ARID1B: variants seen among roughly 807,000 people sequenced by gnomAD.
ARID1B encodes the protein AT-rich interactive domain-containing protein 1B.
In ARID1B, 30 loss-of-function variants were observed where a neutral mutation model predicts 212.3. The ratio of observed to expected loss-of-function variants is 0.14; its 90% CI spans 0.11 to 0.19. The LOEUF (loss-of-function observed/expected upper bound fraction) is 0.19. Ranked by LOEUF, ARID1B falls within the 10% of genes least tolerant of loss-of-function variation. The probability of loss-of-function intolerance (pLI) is 1.00; values close to 1 mark genes in which losing one functional copy is unlikely to be tolerated. For missense variants in ARID1B, 2,891 were observed against 3,204.0 expected, an observed-to-expected ratio of 0.90 and a Z score of 2.36; for synonymous variants, 1,402 against 1,301.7, an observed-to-expected ratio of 1.08 and a Z score of -1.66.
chr6:157,085,007 C>T (rs1168813610), intron 5 of ARID1B, 102 bp downstream of exon 5: 1 of 1,408,444 alleles, frequency 7.1e-7, no homozygotes, highest in South Asian at 1.4e-5. Context: ...AACCTAGTGG[C>T]CACATATTAA....
Position 157,117,452 on chromosome 6 carries a change from C to T in ARID1B, c.2581+6891C>T, listed in dbSNP as rs184914001. Among the ~76,000 whole-genome samples the T allele has an allele frequency of 1.5e-4, 23 of 152,296 alleles. No individual in the cohort carries two copies. The East Asian group carries it at 2.5e-3, about 17-fold the overall frequency. ...CAGATTTCGAGTCACATTCTATTTGCATAGTGCACACCTTTTGGCTGCGGG... is the reference window on the plus strand; with the variant it reads ...CAGATTTCGAGTCACATTCTATTTGTATAGTGCACACCTTTTGGCTGCGGG... On this transcript the variant is annotated intron_variant, in intron 6 of 19. Coordinates refer to ENST00000636930, the MANE Select transcript of ARID1B (RefSeq NM_001374828.1).
rs1793903930 is a variant in ARID1B at position 156,955,566 on chromosome 6, A to G, written c.2247+19990A>G. Among the ~76,000 whole-genome samples, 3 of 152,358 alleles carry G rather than the reference A, an allele frequency of 2.0e-5. No individual in the cohort carries two copies. The highest frequency in any genetic ancestry group is 4.1e-4 in the South Asian group (2 of 4,834). On this transcript the variant is annotated intron_variant, in intron 4 of 19. Coordinates refer to ENST00000636930, the MANE Select transcript of ARID1B (RefSeq NM_001374828.1). This position sits in a 1 kb window ranked among gnomAD's most constrained non-coding sequence, Gnocchi z 4.2. ...AAGTTATACATAATTTGCTATTGAC[A>G]TAATTTTATCTTTATCAAGTTTTCT...
At chr6:156,879,367 G>A (rs1562454807) in intron 2 of ARID1B, among the ~76,000 whole-genome samples, 1 of 152,176 alleles carries the variant, frequency 6.6e-6, no homozygotes, top group East Asian at 1.9e-4. Context: ...ATAAAAATTA[G>A]GAAAACTGTA....
chr6:157,196,755 T>G (rs888307669), intron 16 of ARID1B, among the ~76,000 whole-genome samples: 2 of 152,206 alleles, frequency 1.3e-5, no homozygotes, highest in Non-Finnish European at 2.9e-5. Context: ...ACACTGGGCT[T>G]TCAGCATTCT....
At chr6:156,782,109 T>G (rs1400859281) in intron 1 of ARID1B, among the ~76,000 whole-genome samples, 1 of 151,444 alleles carries the variant, frequency 6.6e-6, no homozygotes. Context: ...ATCCTTTTTT[T>G]TCTTTTCTTT....
intron 2 of ARID1B, among the ~76,000 whole-genome samples, chr6:156,865,645 A>G (rs1785633044): frequency 6.6e-6 from 1 of 151,584 alleles, no homozygotes; most frequent in South Asian, 2.1e-4. Context: ...TCTTTCTAGA[A>G]CTCATCATCT....
intron 6 of ARID1B, among the ~76,000 whole-genome samples, chr6:157,113,607 G>C (rs189429069): frequency 6.6e-6 from 1 of 152,090 alleles, no homozygotes; most frequent in Non-Finnish European, 1.5e-5. Context: ...CTAGGGGGAC[G>C]GTGCTAAACC....
intron 4 of ARID1B, among the ~76,000 whole-genome samples, chr6:156,949,766 T>C (rs62434293): frequency 0.04 from 6,108 of 152,310 alleles, 143 homozygotes; most frequent in Middle Eastern, 0.075. Context: ...AGTTTTACCC[T>C]GCACAGAAGA....
At position 156,862,981 on chromosome 6, in the gene ARID1B, G is replaced by A. The variant is rs551262767; in HGVS notation, c.1986+33560G>A. Among the ~76,000 whole-genome samples, 8 of 152,326 alleles carry A rather than the reference G, an allele frequency of 5.3e-5. No individual in the cohort carries two copies. The East Asian group carries it at 5.8e-4, about 11-fold the overall frequency. ...TGGAGGGTGGCGTCAGTGCCTTGACGGAATATGGGCCTGCGCCTTAGTTGC... is the reference window on the plus strand; with the variant it reads ...TGGAGGGTGGCGTCAGTGCCTTGACAGAATATGGGCCTGCGCCTTAGTTGC... On this transcript the variant is annotated intron_variant, in intron 2 of 19. Transcript: ENST00000636930.
intron 8 of ARID1B, chr6:157,164,518 A>G (rs1467103108): frequency 6.6e-6 from 1 of 152,248 alleles, no homozygotes. Flanking sequence ...TAGTTACACT[A>G]TATATGAGAC....
At chr6:156,885,813 T>A (rs954656701) in intron 2 of ARID1B, among the ~76,000 whole-genome samples, 1 of 152,228 alleles carries the variant, frequency 6.6e-6, no homozygotes, top group Non-Finnish European at 1.5e-5. Context: ...TAAGATTATG[T>A]GCTAAACGAC....
At chr6:156,870,340 G>C (rs892658109) in intron 2 of ARID1B, 2 of 152,142 alleles carry the variant, frequency 1.3e-5, no homozygotes, top group African/African-American at 4.8e-5. Context: ...GGCCCATCCT[G>C]GTGTTGAGAG....
At chr6:156,835,435 GT>G (rs1783446693) in intron 2 of ARID1B, among the ~76,000 whole-genome samples, 1 of 152,200 alleles carries the variant, frequency 6.6e-6, no homozygotes, top group South Asian at 2.1e-4. Flanking sequence ...TTTCCGAAAA[GT>G]GAGAGAAGAT....
chr6:157,163,102 A>G (rs1791053225), intron 8 of ARID1B, among the ~76,000 whole-genome samples: 1 of 152,162 alleles, frequency 6.6e-6, no homozygotes, highest in Non-Finnish European at 1.5e-5. Context: ...TGCTTTTCAA[A>G]AAAGCAACTG....
intron 4 of ARID1B, chr6:156,943,760 G>C (rs1024170832): frequency 3.3e-5 from 5 of 152,036 alleles, no homozygotes; most frequent in African/African-American, 1.2e-4. Context: ...GATTTAACCT[G>C]ATTATTAGAC....
At chr6:156,891,132 A>G (rs1177042798) in intron 2 of ARID1B, among the ~76,000 whole-genome samples, 1 of 152,172 alleles carries the variant, frequency 6.6e-6, no homozygotes, top group Non-Finnish European at 1.5e-5. Flanking sequence ...TCCTTGTGCA[A>G]TTGGTTCAAC....
intron 4 of ARID1B, among the ~76,000 whole-genome samples, chr6:157,078,191 C>A (rs888373606): frequency 6.6e-6 from 1 of 152,044 alleles, no homozygotes; most frequent in Non-Finnish European, 1.5e-5. Flanking sequence ...TATTTTCTCA[C>A]GTAAGAAAAT....
intron 1 of ARID1B, among the ~76,000 whole-genome samples, chr6:156,814,569 A>T (rs888199401): frequency 6.6e-6 from 1 of 152,198 alleles, no homozygotes; most frequent in Admixed American, 6.5e-5. Context: ...TATGCCTTTG[A>T]AAACAAATTG....
At chr6:157,199,009 A>G in intron 17 of ARID1B, 102 bp downstream of exon 17, 1 of 976,498 alleles carries the variant, frequency 1.0e-6, no homozygotes, top group Non-Finnish European at 1.5e-6. Context: ...ACATCTAACA[A>G]AAATGATTAG....
Sources: allele counts gnomAD v4.1 joint callset (sites outside exome capture counted in the v4.1 genomes callset), GRCh38; gene constraint gnomAD v4.1.1; non-coding constraint Gnocchi (gnomAD v3.1); transcripts MANE v1.5; gene names NCBI Gene and HGNC (gene_info 2026-07-23, HGNC 2026-07-21).